The following PNPLA4 variants were observed in gnomAD, a reference collection of about 807,000 sequenced individuals.
PNPLA4 encodes patatin-like phospholipase domain-containing protein 4.
In PNPLA4, 15 loss-of-function variants were observed where a neutral mutation model predicts 18.3. The observed-to-expected ratio is 0.82, with a 90% CI of 0.55 to 1.26. PNPLA4 has a LOEUF of 1.26. PNPLA4 is among the 50% of genes most tolerant of loss of function. PNPLA4 has a pLI of 0.00. For synonymous variants in PNPLA4, 88 were observed against 85.6 expected (o/e 1.03, Z -0.16); for missense variants, 229 against 196.8 (o/e 1.16, Z -0.98).
rs368756174 is a variant in PNPLA4 at position 7,900,830 on chromosome X, G to T, written c.631-13C>A. ...TTGCCAGGGACAACTAGAATAAAAA[G>T]ACCAAAATTTAAGCTGTAGGATATT... is the stretch of plus-strand genomic sequence containing the variant. On this transcript the variant is annotated splice_polypyrimidine_tract_variant and intron_variant, in intron 6 of 6. Coordinates refer to ENST00000381042, the MANE Select transcript of PNPLA4 (RefSeq NM_004650.3). 8.5e-7 allele frequency: 1 copy of T among 1,182,940 alleles called. No homozygotes were observed. The highest frequency in any genetic ancestry group is 1.8e-5 in the African/African-American group (1 of 56,275).
chrX:7,921,866 A>G lies in PNPLA4; in HGVS notation c.276-18T>C, dbSNP rs371193250. 4 of 1,190,996 alleles carry G rather than the reference A, an allele frequency of 3.4e-6. No individual in the cohort carries two copies. Among genetic ancestry groups the G allele is most frequent in the Non-Finnish European group, 4.5e-6 (4 of 880,642 alleles). On this transcript the variant is annotated intron_variant, in intron 3 of 6. Coordinates refer to ENST00000381042, the MANE Select transcript of PNPLA4 (RefSeq NM_004650.3). ...TCCCACTTCTAAAGAAGAAAAAGCAATCTGAATTACTCACCTTTAATTATT... is the reference window on the plus strand; with the variant it reads ...TCCCACTTCTAAAGAAGAAAAAGCAGTCTGAATTACTCACCTTTAATTATT...
chrX:7,901,458 G>A (rs1025652826), intron 6 of PNPLA4, among the ~76,000 whole-genome samples: 2 of 110,521 alleles, frequency 1.8e-5, no homozygotes, highest in African/African-American at 6.6e-5. Flanking sequence ...GTGGTGGCAC[G>A]CGCCTGCAGT....
chrX:7,921,138 T>C (rs1221657899), intron 4 of PNPLA4, among the ~76,000 whole-genome samples: 3 of 111,216 alleles, frequency 2.7e-5, no homozygotes, highest in African/African-American at 9.8e-5. Context: ...GACATGGTGG[T>C]ACGTGCCTGT....
chrX:7,920,729 G>C (rs1317096529), intron 4 of PNPLA4, among the ~76,000 whole-genome samples: 1 of 112,365 alleles, frequency 8.9e-6, no homozygotes, highest in African/African-American at 3.2e-5. Flanking sequence ...TACCACAGCA[G>C]GCACATTGGT....
At chrX:7,913,173 T>C (rs1019580520) in intron 4 of PNPLA4, among the ~76,000 whole-genome samples, 15 of 112,104 alleles carry the variant, frequency 1.3e-4, no homozygotes, top group African/African-American at 4.9e-4. Context: ...GGAACTTCCA[T>C]AGCTTTCTTA....
At chrX:7,918,074 G>T (rs1362423040) in intron 4 of PNPLA4, among the ~76,000 whole-genome samples, 1 of 111,891 alleles carries the variant, frequency 8.9e-6, no homozygotes, top group Non-Finnish European at 1.9e-5. Flanking sequence ...AGTATTTCAT[G>T]CTCTCCCATG....
At chrX:7,903,110 A>C (rs1436253672) in intron 5 of PNPLA4, among the ~76,000 whole-genome samples, 1 of 111,899 alleles carries the variant, frequency 8.9e-6, no homozygotes, top group Non-Finnish European at 1.9e-5. Flanking sequence ...TTGTAAACTG[A>C]GTTTTGCTTC....
In PNPLA4 at chrX:7,899,674, A is replaced by AGAGAGAGG. The variant is rs1923461690; in HGVS notation, c.*1011_*1012insCCTCTCTC. The AGAGAGAGG allele has an allele frequency of 1.9e-5, 2 of 104,595 alleles. No individual in the cohort carries two copies. Among genetic ancestry groups the AGAGAGAGG allele is most frequent in the African/African-American group, 7.0e-5 (2 of 28,724 alleles). The allele number at this position is 104,595 out of a possible 1,213,427, so 8.6% of individuals were successfully genotyped here. The stretch of plus-strand genomic sequence containing the variant: ...GAGAGAGAGAGAGAGAGAGAGAGAG[A>AGAGAGAGG]GAGAGAATGAATGACAACCAGCTTG... On this transcript the variant is annotated 3_prime_UTR_variant, in exon 7 of 7. Transcript: ENST00000381042.
At chrX:7,901,023 G>A (rs1923515042) in intron 6 of PNPLA4, among the ~76,000 whole-genome samples, 1 of 111,477 alleles carries the variant, frequency 9.0e-6, no homozygotes, top group South Asian at 3.8e-4. Flanking sequence ...TTGGGGCCAC[G>A]ACGTCTTAAC....
intron 4 of PNPLA4, 81 bp downstream of exon 4, chrX:7,921,632 G>T: frequency 5.9e-6 from 5 of 847,580 alleles, no homozygotes; most frequent in Non-Finnish European, 8.7e-6. Context: ...TCTAAAGAAC[G>T]TGGTAATGCT....
intron 5 of PNPLA4, among the ~76,000 whole-genome samples, chrX:7,906,565 T>C (rs1222661651): frequency 8.9e-6 from 1 of 112,077 alleles, no homozygotes; most frequent in Non-Finnish European, 1.9e-5. Flanking sequence ...AAACAGACAG[T>C]GCAAAAAAAT....
At chrX:7,900,900 T>C in intron 6 of PNPLA4, 83 bp from the exon 7 acceptor site, 1 of 764,993 alleles carries the variant, frequency 1.3e-6, no homozygotes, top group Non-Finnish European at 1.8e-6. Flanking sequence ...TAGGTTTTCT[T>C]ATCACAGATA....
At chrX:7,908,544 G>C (rs1407596674) in intron 5 of PNPLA4, among the ~76,000 whole-genome samples, 2 of 112,248 alleles carry the variant, frequency 1.8e-5, no homozygotes, top group Non-Finnish European at 3.8e-5. Flanking sequence ...AGCCCTATTA[G>C]AATGTGGGAG....
intron 5 of PNPLA4, among the ~76,000 whole-genome samples, chrX:7,909,800 CCA>C (rs1431174118): frequency 2.7e-5 from 3 of 110,917 alleles, no homozygotes; most frequent in African/African-American, 9.9e-5. Context: ...ACTGTAAGTC[CCA>C]CAGTTATTCG....
intron 2 of PNPLA4, among the ~76,000 whole-genome samples, chrX:7,922,343 C>T (rs761295846): frequency 8.9e-6 from 1 of 112,038 alleles, no homozygotes; most frequent in South Asian, 3.7e-4. Context: ...TGGCCTTTGC[C>T]CCATCTGAAA....
upstream of PNPLA4, chrX:7,927,564 C>G (rs1447933920): frequency 8.8e-6 from 1 of 113,585 alleles, no homozygotes; most frequent in African/African-American, 3.2e-5. Context: ...GCAAGGATTC[C>G]TCGTTTAGAG....
chrX:7,918,297 C>T (rs975614698), intron 4 of PNPLA4, among the ~76,000 whole-genome samples: 1 of 111,595 alleles, frequency 9.0e-6, no homozygotes, highest in Non-Finnish European at 1.9e-5. Flanking sequence ...GCCTCACAAT[C>T]GTGGTGGAAG....
rs115918637 is a variant in PNPLA4, at chrX:7,901,582, C to A, written c.630+407G>T. Among the ~76,000 whole-genome samples the A allele has an allele frequency of 9.6e-3, 1,071 of 111,428 alleles. 13 individuals carry two copies. The highest frequency in any genetic ancestry group is 0.033 in the African/African-American group (1,006 of 30,621). ...AGCCTAGGGGACAGAGCAACACCCT[C>A]TCTCAAAGAAGAAAAAAATTGCTCT... On this transcript the variant is annotated intron_variant, in intron 6 of 6. Coordinates refer to ENST00000381042, the MANE Select transcript of PNPLA4 (RefSeq NM_004650.3).
chrX:7,905,660 C>T (rs1159071539), intron 5 of PNPLA4, among the ~76,000 whole-genome samples: 1 of 112,501 alleles, frequency 8.9e-6, no homozygotes, highest in Admixed American at 9.4e-5. Context: ...AGTGATTTCA[C>T]ATGTATAATT....
Sources: gnomAD v4.1 joint callset for allele counts (sites outside exome capture counted in the v4.1 genomes callset) on GRCh38, gnomAD v4.1.1 for gene constraint, MANE v1.5 for transcripts, NCBI Gene and HGNC (gene_info 2026-07-23, HGNC 2026-07-21) for gene names.